The following ACSF3 variants were observed in gnomAD, a reference collection of about 807,000 sequenced individuals.
ACSF3 encodes acyl-CoA synthetase family member 3, also known as malonate--CoA ligase ACSF3, mitochondrial.
Under a neutral mutation model 53.2 loss-of-function variants are expected in ACSF3, and 78 were observed. The observed-to-expected ratio is 1.47, with a 90% CI of 1.22 to 1.77. The LOEUF (loss-of-function observed/expected upper bound fraction) is 1.77, where lower values mean the gene tolerates loss of function less well. Ranked by LOEUF, ACSF3 falls within the 40% of genes most tolerant of loss-of-function variation. The probability of loss-of-function intolerance (pLI) is 0.00; values close to 1 mark genes in which losing one functional copy is unlikely to be tolerated. For synonymous variants in ACSF3, 414 were observed against 333.1 expected (o/e 1.24, Z -2.65); for missense variants, 937 against 771.1 (o/e 1.22, Z -2.55).
rs946771746 is a variant in ACSF3 at position 89,155,954 on chromosome 16, G to A, written c.*1747G>A. 1.5e-4 allele frequency: 55 copies of A among 362,914 alleles called. No homozygotes were observed. Among genetic ancestry groups the A allele is most frequent in the African/African-American group, 1.2e-3 (54 of 46,918 alleles). 22.5% of individuals were successfully genotyped at this position (362,914 alleles called of 1,614,324 possible). A position where few individuals can be genotyped will look rare whatever the true frequency, so the allele number is the denominator to read the frequency against. On this transcript the variant is annotated 3_prime_UTR_variant, in exon 11 of 11. Transcript: ENST00000614302. ...ATTGACCAGAAACTGCAGAGAGCCT[G>A]GAGCTCGTTGACCACAAACTACAGA...
chr16:89,125,390 C>A (rs1260036230), intron 7 of ACSF3, among the ~76,000 whole-genome samples: 3 of 148,630 alleles, frequency 2.0e-5, no homozygotes, highest in Admixed American at 6.8e-5. Context: ...ACAAAAAGTT[C>A]TTTTGAGGTC....
Position 89,143,354 on chromosome 16 carries a change from G to A in ACSF3, c.1367-1913G>A, listed in dbSNP as rs113141695. ...GGGGGCAGGCAGTGATGGCCTCTCC[G>A]GCAGGACCAGAGCAGGGCAGTGGCT... is the stretch of plus-strand genomic sequence containing the variant. On this transcript the variant is annotated intron_variant, in intron 8 of 10. Coordinates refer to ENST00000614302, the MANE Select transcript of ACSF3 (RefSeq NM_001243279.3). Among the ~76,000 whole-genome samples, 212 of 152,264 alleles carry A rather than the reference G, an allele frequency of 1.4e-3. 2 individuals carry two copies. The highest frequency in any genetic ancestry group is 4.9e-3 in the African/African-American group (205 of 41,548).
chr16:89,099,751 C>T (rs892914051), intron 2 of ACSF3, among the ~76,000 whole-genome samples: 12 of 151,982 alleles, frequency 7.9e-5, no homozygotes, highest in South Asian at 6.3e-4. Flanking sequence ...TACTGTACTC[C>T]AGCCTGGGTG....
At chr16:89,096,575 C>T (rs1434183409) in intron 1 of ACSF3, among the ~76,000 whole-genome samples, 1 of 152,314 alleles carries the variant, frequency 6.6e-6, no homozygotes, top group South Asian at 2.1e-4. Flanking sequence ...GGGCTGGTTC[C>T]GTTTTCCACA....
In ACSF3 at chr16:89,154,315, C is replaced by G. The variant is rs1252939781; in HGVS notation, c.*108C>G. On this transcript the variant is annotated 3_prime_UTR_variant, in exon 11 of 11. Transcript: ENST00000614302. ...CTGGCCTCCCTTAAACCTGAACCCC[C>G]CAAATCAGGTCACGTAGAATCAAGA... The G allele has an allele frequency of 4.9e-6, 5 of 1,013,272 alleles. No homozygotes were observed. The Admixed American group carries it at 9.3e-5, about 19-fold the overall frequency. 62.8% of individuals were successfully genotyped at this position (1,013,272 alleles called of 1,614,324 possible). A position where few individuals can be genotyped will look rare whatever the true frequency, so the allele number is the denominator to read the frequency against.
intron 4 of ACSF3, among the ~76,000 whole-genome samples, chr16:89,108,641 A>G (rs1324337821): frequency 1.3e-5 from 2 of 152,022 alleles, no homozygotes; most frequent in African/African-American, 4.8e-5. Flanking sequence ...GGCGTGTCAC[A>G]CTCAGTCTTT....
intron 8 of ACSF3, chr16:89,136,449 A>T (rs753354567): frequency 1.3e-5 from 15 of 1,140,492 alleles, no homozygotes; most frequent in Non-Finnish European, 1.7e-5. Context: ...GCTGCTGCAT[A>T]ATGAGAGCCT....
At chr16:89,124,346 T>C (rs372447426) in intron 7 of ACSF3, among the ~76,000 whole-genome samples, 15 of 150,790 alleles carry the variant, frequency 9.9e-5, no homozygotes, top group African/African-American at 3.4e-4. Flanking sequence ...ACTACATGTA[T>C]GTGTGTGATA....
At chr16:89,135,966 G>C (rs1910375305) in intron 8 of ACSF3, among the ~76,000 whole-genome samples, 1 of 152,224 alleles carries the variant, frequency 6.6e-6, no homozygotes, top group African/African-American at 2.4e-5. Flanking sequence ...GTAAAGACAG[G>C]GTTTTGCCAT....
intron 8 of ACSF3, among the ~76,000 whole-genome samples, chr16:89,134,500 G>A (rs987954535): frequency 2.6e-5 from 4 of 152,306 alleles, no homozygotes; most frequent in Admixed American, 6.5e-5. Context: ...CTGCAACGGC[G>A]GCAAGCAGCA....
Position 89,154,895 on chromosome 16 carries a change from C to A in ACSF3, c.*688C>A. On this transcript the variant is annotated 3_prime_UTR_variant, in exon 11 of 11. Coordinates refer to ENST00000614302, the MANE Select transcript of ACSF3 (RefSeq NM_001243279.3). Reference sequence around the variant, plus strand: ...TGCTCTGCCGTGACCCTGCCTCACCCCCCAGCGCAGGGACTTTCCAGGTCA... The same window carrying A: ...TGCTCTGCCGTGACCCTGCCTCACCACCCAGCGCAGGGACTTTCCAGGTCA... 1 of 454,130 alleles carries A rather than the reference C, an allele frequency of 2.2e-6. No individual in the cohort carries two copies. The allele number at this position is 454,130 out of a possible 1,614,324, so 28.1% of individuals were successfully genotyped here. A position where few individuals can be genotyped will look rare whatever the true frequency, so the allele number is the denominator to read the frequency against.
chr16:89,127,396 G>A (rs893660112), intron 7 of ACSF3, among the ~76,000 whole-genome samples: 37 of 152,046 alleles, frequency 2.4e-4, no homozygotes, highest in Admixed American at 1.8e-3. Flanking sequence ...ATAAGGTCTC[G>A]TTCTGTCACG....
At chr16:89,126,332 G>A (rs1002944091) in intron 7 of ACSF3, among the ~76,000 whole-genome samples, 8 of 152,076 alleles carry the variant, frequency 5.3e-5, no homozygotes, top group African/African-American at 1.4e-4. Flanking sequence ...GTAGTGGTAC[G>A]ATCTCAGCTC....
rs544475055 is a variant in ACSF3, at chr16:89,104,891, G to A, written c.822+2132G>A. ...CAAGTGAGCCTGTTTCTTCACAGAT[G>A]ATAACATTGGGCTTTAGAGAAAGAC... On this transcript the variant is annotated intron_variant, in intron 4 of 10. Transcript: ENST00000614302. Among the ~76,000 whole-genome samples the A allele has an allele frequency of 7.9e-4, 120 of 152,364 alleles. 1 individual carries two copies. The highest frequency in any genetic ancestry group is 2.6e-3 in the African/African-American group (108 of 41,584).
chr16:89,154,966 G>A lies in ACSF3; in HGVS notation c.*759G>A, dbSNP rs1049721033. On this transcript the variant is annotated 3_prime_UTR_variant, in exon 11 of 11. Coordinates refer to ENST00000614302, the MANE Select transcript of ACSF3 (RefSeq NM_001243279.3). ...CCGGTGAACCCTCTCTCCCATCACC[G>A]TCTCCACCCAGACCCCCACCTGCCC... 15 of 453,700 alleles carry A rather than the reference G, an allele frequency of 3.3e-5. No individual in the cohort carries two copies. The East Asian group carries it at 6.9e-4, about 21-fold the overall frequency. 28.1% of individuals were successfully genotyped at this position (453,700 alleles called of 1,614,324 possible). A position where few individuals can be genotyped will look rare whatever the true frequency, so the allele number is the denominator to read the frequency against.
intron 2 of ACSF3, among the ~76,000 whole-genome samples, chr16:89,099,560 C>T (rs957181587): frequency 3.9e-5 from 6 of 152,152 alleles, no homozygotes; most frequent in African/African-American, 7.2e-5. Flanking sequence ...GTGAGTGGAT[C>T]ACCGGAGGTC....
rs149484817 is a variant in ACSF3, at chr16:89,109,635, C to G, written c.823-2457C>G. Among the ~76,000 whole-genome samples, 74 of 152,288 alleles carry G rather than the reference C, an allele frequency of 4.9e-4. No individual in the cohort carries two copies. In the East Asian group the frequency reaches 0.011, roughly 23 times the overall value. Reference sequence around the variant, plus strand: ...CCGTGTTGGCCAGGCTGGTCTTGAACTCCTGACCTCAAGTAACCTGCCTGC... The same window carrying G: ...CCGTGTTGGCCAGGCTGGTCTTGAAGTCCTGACCTCAAGTAACCTGCCTGC... On this transcript the variant is annotated intron_variant, in intron 4 of 10. Transcript: ENST00000614302.
chr16:89,116,832 G>A (rs1905205947), intron 6 of ACSF3, among the ~76,000 whole-genome samples: 1 of 152,220 alleles, frequency 6.6e-6, no homozygotes. Context: ...GTCAGTGCTA[G>A]CGGCCCCTGC....
At chr16:89,097,893 G>A (rs1367636340) in intron 1 of ACSF3, among the ~76,000 whole-genome samples, 7 of 152,220 alleles carry the variant, frequency 4.6e-5, no homozygotes, top group African/African-American at 1.7e-4. Context: ...GAGCTGTGCT[G>A]AGGTTCAGGG....
Sources: allele counts gnomAD v4.1 joint callset (sites outside exome capture counted in the v4.1 genomes callset), GRCh38; gene constraint gnomAD v4.1.1; transcripts MANE v1.5; gene names NCBI Gene and HGNC (gene_info 2026-07-23, HGNC 2026-07-21).